LRPPRC: variants seen among roughly 807,000 people sequenced by gnomAD.
The protein encoded by LRPPRC is leucine-rich PPR motif-containing protein, mitochondrial.
Under a neutral mutation model 180.3 loss-of-function variants are expected in LRPPRC, and 120 were observed. That is an observed-to-expected ratio of 0.67 (90% CI 0.57 to 0.77). The LOEUF (loss-of-function observed/expected upper bound fraction) is 0.77. LRPPRC is among the 30% of genes least tolerant of loss of function. LRPPRC has a pLI of 0.00. For synonymous variants in LRPPRC, 723 were observed against 600.0 expected (o/e 1.21, Z -3.00); for missense variants, 2,012 against 1,657.2 (o/e 1.21, Z -3.72).
Position 43,934,180 on chromosome 2 carries a change from A to C in LRPPRC, c.2736+10T>G. On this transcript the variant is annotated intron_variant, in intron 25 of 37. Coordinates refer to ENST00000260665, the MANE Select transcript of LRPPRC (RefSeq NM_133259.4). ...GCTCTACAATTAGAACACTGTAGTTAAAATCACACCTCAATGATCTTCTTG... is the reference window on the plus strand; with the variant it reads ...GCTCTACAATTAGAACACTGTAGTTCAAATCACACCTCAATGATCTTCTTG... 1 of 1,511,780 alleles carries C rather than the reference A, an allele frequency of 6.6e-7. No individual in the cohort carries two copies. The allele number at this position is 1,511,780 out of a possible 1,614,324, so 93.6% of individuals were successfully genotyped here. A position where few individuals can be genotyped will look rare whatever the true frequency, so the allele number is the denominator to read the frequency against.
At chr2:43,890,791 T>A (rs1296157354) in intron 36 of LRPPRC, among the ~76,000 whole-genome samples, 1 of 152,238 alleles carries the variant, frequency 6.6e-6, no homozygotes, top group African/African-American at 2.4e-5. Context: ...TGATGAAATA[T>A]GTTAGGAGCC....
In LRPPRC at chr2:43,915,230, TCTCACACACACACACACACACA is replaced by T. The variant is rs1444641504; in HGVS notation, c.3149-2694_3149-2673del. Among the ~76,000 whole-genome samples, 221 of 47,434 alleles carry T rather than the reference TCTCACACACACACACACACACA, an allele frequency of 4.7e-3. 2 individuals are homozygous for T. The highest frequency in any genetic ancestry group is 5.3e-3 in the Non-Finnish European group (148 of 27,872). The allele number at this position is 47,434 out of a possible 152,430, so 31.1% of individuals were successfully genotyped here. A position where few individuals can be genotyped will look rare whatever the true frequency, so the allele number is the denominator to read the frequency against. ...CTCTCTCTCTCTCTCTCTCTCTCTC[TCTCACACACACACACACACACA>T]CACACACACACACACACACACACAC... On this transcript the variant is annotated intron_variant, in intron 29 of 37. Transcript: ENST00000260665.
chr2:43,919,284 T>G (rs1671610314), intron 27 of LRPPRC, among the ~76,000 whole-genome samples: 1 of 152,196 alleles, frequency 6.6e-6, no homozygotes, highest in African/African-American at 2.4e-5. Flanking sequence ...TTGTCTTCCA[T>G]GAAACCAGTC....
chr2:43,947,703 T>A, intron 19 of LRPPRC, 28 bp downstream of exon 19: 1 of 1,323,856 alleles, frequency 7.6e-7, no homozygotes, highest in African/African-American at 1.4e-5. Context: ...TATTATAGCA[T>A]GTAGAATCTA....
rs147695389 is a variant in LRPPRC at position 43,963,724 on chromosome 2, G to A, written c.1370-18C>T. 106 of 1,212,410 alleles carry A rather than the reference G, an allele frequency of 8.7e-5. No individual in the cohort carries two copies. In the African/African-American group the frequency reaches 1.5e-3, roughly 17 times the overall value. The allele number at this position is 1,212,410 out of a possible 1,614,324, so 75.1% of individuals were successfully genotyped here. A position where few individuals can be genotyped will look rare whatever the true frequency, so the allele number is the denominator to read the frequency against. On this transcript the variant is annotated intron_variant, in intron 11 of 37. Coordinates refer to ENST00000260665, the MANE Select transcript of LRPPRC (RefSeq NM_133259.4). ...AATTATACCTACCAAATAAAATGTA[G>A]AAGCACAGAGATAGAGAACTTAGAA...
At chr2:43,962,883 G>A (rs1174143636) in intron 12 of LRPPRC, among the ~76,000 whole-genome samples, 1 of 151,908 alleles carries the variant, frequency 6.6e-6, no homozygotes, top group Admixed American at 6.6e-5. Flanking sequence ...AAGACAGGAG[G>A]ATTGCTTAAG....
At chr2:43,946,632 C>A (rs1159844761) in intron 20 of LRPPRC, among the ~76,000 whole-genome samples, 1 of 151,864 alleles carries the variant, frequency 6.6e-6, no homozygotes, top group Non-Finnish European at 1.5e-5. Flanking sequence ...AGTTTAGTAT[C>A]CAAGTAATAT....
chr2:43,995,086 C>T (rs906245103), intron 1 of LRPPRC, among the ~76,000 whole-genome samples: 3 of 152,184 alleles, frequency 2.0e-5, no homozygotes, highest in Admixed American at 2.0e-4. Flanking sequence ...ACTAAAAGTA[C>T]AAAAGTTAGC....
At chr2:43,977,510 T>C (rs548165437) in intron 3 of LRPPRC, among the ~76,000 whole-genome samples, 2 of 152,274 alleles carry the variant, frequency 1.3e-5, no homozygotes, top group Non-Finnish European at 2.9e-5. Context: ...ATTCGGATAT[T>C]AAAAGGCCTC....
At chr2:43,915,773 C>A (rs551327633) in intron 29 of LRPPRC, among the ~76,000 whole-genome samples, 2 of 152,158 alleles carry the variant, frequency 1.3e-5, no homozygotes, top group Non-Finnish European at 2.9e-5. Flanking sequence ...TACATCAATG[C>A]CACAAAATTT....
At chr2:43,970,515 T>A (rs968980720) in intron 11 of LRPPRC, among the ~76,000 whole-genome samples, 2 of 152,290 alleles carry the variant, frequency 1.3e-5, no homozygotes, top group Admixed American at 6.5e-5. Context: ...TAAAATAATC[T>A]TACATTAACT....
intron 25 of LRPPRC, 40 bp from the exon 26 acceptor site, chr2:43,926,001 T>C: frequency 1.7e-6 from 2 of 1,142,926 alleles, no homozygotes; most frequent in East Asian, 2.3e-5. Flanking sequence ...AAGGTAAGGC[T>C]TCGGCTGAAT....
rs556317468 is a variant in LRPPRC, at chr2:43,896,379, C to T, written c.3900+255G>A. Reference sequence around the variant, plus strand: ...AGCCACCATGCCCAGCCTAATCTTGCATTTTTTAAGGGCCTTTTCTTGGGG... The same window carrying T: ...AGCCACCATGCCCAGCCTAATCTTGTATTTTTTAAGGGCCTTTTCTTGGGG... On this transcript the variant is annotated intron_variant, in intron 35 of 37. Coordinates refer to ENST00000260665, the MANE Select transcript of LRPPRC (RefSeq NM_133259.4). 3.1e-5 allele frequency: 12 copies of T among 381,006 alleles called. No homozygotes were observed. In the East Asian group the frequency reaches 6.4e-4, roughly 20 times the overall value. 23.6% of individuals were successfully genotyped at this position (381,006 alleles called of 1,614,324 possible). A position where few individuals can be genotyped will look rare whatever the true frequency, so the allele number is the denominator to read the frequency against.
chr2:43,969,469 A>G (rs1673709775), intron 11 of LRPPRC, among the ~76,000 whole-genome samples: 1 of 152,006 alleles, frequency 6.6e-6, no homozygotes, highest in South Asian at 2.1e-4. Context: ...TTACACTACA[A>G]AAAATGCTAA....
At chr2:43,970,451 T>C (rs1020533887) in intron 11 of LRPPRC, among the ~76,000 whole-genome samples, 7 of 152,180 alleles carry the variant, frequency 4.6e-5, no homozygotes, top group Non-Finnish European at 7.3e-5. Flanking sequence ...CTGATCTATC[T>C]GAACAAATTC....
chr2:43,914,927 C>T (rs535103476), intron 29 of LRPPRC, among the ~76,000 whole-genome samples: 17 of 150,386 alleles, frequency 1.1e-4, no homozygotes, highest in African/African-American at 3.2e-4. Flanking sequence ...CACCAGAGGA[C>T]GGGCGTGGTG....
chr2:43,916,861 C>T (rs1671486658), intron 29 of LRPPRC, among the ~76,000 whole-genome samples: 1 of 146,920 alleles, frequency 6.8e-6, no homozygotes, highest in Non-Finnish European at 1.5e-5. Flanking sequence ...AGGATAACTG[C>T]TTAAGCCCAC....
At chr2:43,974,875 G>T in intron 7 of LRPPRC, 117 bp from the exon 8 acceptor site, 1 of 1,111,516 alleles carries the variant, frequency 9.0e-7, no homozygotes, top group South Asian at 1.3e-5. Flanking sequence ...AAAGGTTTAC[G>T]ACTTCTTTTA....
chr2:43,973,116 C>A (rs1315299212), intron 11 of LRPPRC, among the ~76,000 whole-genome samples: 1 of 152,174 alleles, frequency 6.6e-6, no homozygotes, highest in Non-Finnish European at 1.5e-5. Flanking sequence ...AATCAGCAGG[C>A]TGTCAGGTCA....
Sources: gnomAD v4.1 joint callset for allele counts (sites outside exome capture counted in the v4.1 genomes callset) on GRCh38, gnomAD v4.1.1 for gene constraint, MANE v1.5 for transcripts, NCBI Gene and HGNC (gene_info 2026-07-23, HGNC 2026-07-21) for gene names.